The following CTNNA3 variants were observed in gnomAD, a reference collection of about 807,000 sequenced individuals.
CTNNA3 encodes the protein catenin alpha-3.
In CTNNA3, 76 loss-of-function variants were observed where a neutral mutation model predicts 95.7. The ratio of observed to expected loss-of-function variants is 0.79; its 90% confidence interval spans 0.66 to 0.96. The LOEUF (loss-of-function observed/expected upper bound fraction) is 0.96. CTNNA3 is among the 40% of genes least tolerant of loss of function. The pLI, the probability that CTNNA3 is intolerant of heterozygous loss-of-function variation, is 0.00. For synonymous variants in CTNNA3, 431 were observed against 374.4 expected, an observed-to-expected ratio of 1.15 and a Z score of -1.74; for missense variants, 1,191 against 1,089.8, an observed-to-expected ratio of 1.09 and a Z score of -1.31.
intron 5 of CTNNA3, among the ~76,000 whole-genome samples, chr10:67,511,599 G>A (rs942483338): frequency 6.6e-6 from 1 of 152,212 alleles, no homozygotes; most frequent in African/African-American, 2.4e-5. Flanking sequence ...CGGTTCACCA[G>A]TATTTTATTG....
At chr10:66,491,906 C>T (rs978316665) in intron 11 of CTNNA3, among the ~76,000 whole-genome samples, 13 of 152,028 alleles carry the variant, frequency 8.6e-5, no homozygotes, top group African/African-American at 3.1e-4. Context: ...TATCCTTTTT[C>T]TTCATCCCCA....
rs143977084 is a variant in CTNNA3, at chr10:66,719,696, G to T, written c.1281+46568C>A. On this transcript the variant is annotated intron_variant, in intron 9 of 17. Coordinates refer to ENST00000433211, the MANE Select transcript of CTNNA3 (RefSeq NM_013266.4). ...GGCCTTATATGGTTTGTGGGCAAGAGACCATTGTGAGGAAGTCAGAGAAAC... is the reference window on the plus strand; with the variant it reads ...GGCCTTATATGGTTTGTGGGCAAGATACCATTGTGAGGAAGTCAGAGAAAC... 7.7e-3 allele frequency among the ~76,000 whole-genome samples: 1,174 copies of T among 152,264 alleles called. 4 individuals carry two copies. Among genetic ancestry groups the T allele is most frequent in the Non-Finnish European group, 0.013 (867 of 68,018 alleles).
chr10:67,038,758 C>T (rs963775053), intron 7 of CTNNA3, among the ~76,000 whole-genome samples: 6 of 151,854 alleles, frequency 4.0e-5, no homozygotes, highest in Non-Finnish European at 8.8e-5. Flanking sequence ...ACCAGGAGTT[C>T]AATATGAGAT....
At chr10:66,820,060 C>CAA (rs71035186) in intron 7 of CTNNA3, among the ~76,000 whole-genome samples, 6 of 116,158 alleles carry the variant, frequency 5.2e-5, no homozygotes, top group East Asian at 2.4e-4. Flanking sequence ...GTGATAATAG[C>CAA]AAAAAAAAAA....
chr10:66,667,805 T>C (rs1846510083), intron 9 of CTNNA3, among the ~76,000 whole-genome samples: 1 of 152,138 alleles, frequency 6.6e-6, no homozygotes, highest in Admixed American at 6.6e-5. Flanking sequence ...TGACTGCATT[T>C]CTCCCTATAA....
chr10:67,323,068 GT>G (rs1357924794), intron 5 of CTNNA3, among the ~76,000 whole-genome samples: 1 of 151,998 alleles, frequency 6.6e-6, no homozygotes, highest in African/African-American at 2.4e-5. Context: ...TAATGGGGTT[GT>G]TTTTTTCTTG....
intron 15 of CTNNA3, among the ~76,000 whole-genome samples, chr10:66,042,106 C>T (rs776766664): frequency 3.9e-5 from 6 of 152,158 alleles, no homozygotes; most frequent in Non-Finnish European, 8.8e-5. Context: ...TTTTGTCACG[C>T]TGTCTCACTG....
At chr10:66,016,385 C>T (rs984104871) in intron 15 of CTNNA3, among the ~76,000 whole-genome samples, 2 of 152,130 alleles carry the variant, frequency 1.3e-5, no homozygotes, top group Non-Finnish European at 2.9e-5. Context: ...GGAAGAAAGA[C>T]GATTCTTCCC....
intron 12 of CTNNA3, among the ~76,000 whole-genome samples, chr10:66,294,305 G>A (rs2091739398): frequency 6.6e-6 from 1 of 152,172 alleles, no homozygotes; most frequent in Non-Finnish European, 1.5e-5. Flanking sequence ...TCCAATGAGA[G>A]TGTCTCAGGA....
At chr10:67,401,891 C>A (rs567514386) in intron 5 of CTNNA3, among the ~76,000 whole-genome samples, 4 of 152,302 alleles carry the variant, frequency 2.6e-5, no homozygotes, top group Admixed American at 1.3e-4. Flanking sequence ...AACGAAGACA[C>A]CATACAGAGC....
intron 14 of CTNNA3, among the ~76,000 whole-genome samples, chr10:66,089,427 C>T (rs2081127140): frequency 6.7e-6 from 1 of 150,046 alleles, no homozygotes; most frequent in Non-Finnish European, 1.5e-5. Context: ...TCCTTTCTTC[C>T]TTCCTTCTAT....
chr10:67,684,539 C>A (rs1310003257), intron 1 of CTNNA3, among the ~76,000 whole-genome samples: 1 of 152,188 alleles, frequency 6.6e-6, no homozygotes, highest in African/African-American at 2.4e-5. Context: ...ACAGGACACC[C>A]CAACTGCTTT....
intron 13 of CTNNA3, among the ~76,000 whole-genome samples, chr10:66,207,527 G>A (rs2087840506): frequency 6.6e-6 from 1 of 151,940 alleles, no homozygotes; most frequent in Non-Finnish European, 1.5e-5. Flanking sequence ...CCATGTCTTA[G>A]CCATATTCTT....
In CTNNA3 at chr10:67,679,557, G is replaced by A. The variant is rs919389588; in HGVS notation, c.-6+16443C>T. ...AAATTCTATCTTGGTCTCTAGAAAAGTATCAAAATATTATTAATTAGAAAA... is the reference window on the plus strand; with the variant it reads ...AAATTCTATCTTGGTCTCTAGAAAAATATCAAAATATTATTAATTAGAAAA... On this transcript the variant is annotated intron_variant, in intron 1 of 17. Coordinates refer to ENST00000433211, the MANE Select transcript of CTNNA3 (RefSeq NM_013266.4). 2.6e-5 allele frequency among the ~76,000 whole-genome samples: 4 copies of A among 152,198 alleles called. No individual in the cohort carries two copies. In the East Asian group the frequency reaches 7.7e-4, roughly 29 times the overall value.
intron 5 of CTNNA3, among the ~76,000 whole-genome samples, chr10:67,440,326 C>G (rs560198384): frequency 6.6e-6 from 1 of 152,296 alleles, no homozygotes; most frequent in South Asian, 2.1e-4. Flanking sequence ...TGCAGTAAAA[C>G]AGAACACAAG....
At chr10:66,189,617 T>TATATATATATATATATATATATATATAC (rs151078010) in intron 13 of CTNNA3, among the ~76,000 whole-genome samples, 76 of 140,350 alleles carry the variant, frequency 5.4e-4, no homozygotes, top group Non-Finnish European at 8.5e-4. Flanking sequence ...TATATATATA[T>TATATATATATATATATATATATATATAC]ACACACATAC....
intron 2 of CTNNA3, among the ~76,000 whole-genome samples, chr10:67,641,573 C>G (rs1839534368): frequency 6.6e-6 from 1 of 152,178 alleles, no homozygotes; most frequent in Admixed American, 6.5e-5. Flanking sequence ...TTTACTGCAG[C>G]ACTATTCACA....
intron 10 of CTNNA3, among the ~76,000 whole-genome samples, chr10:66,545,735 A>G (rs529772435): frequency 2.6e-5 from 4 of 152,110 alleles, no homozygotes; most frequent in Admixed American, 1.3e-4. Context: ...GAGAGAATAC[A>G]GTTGTGTTTT....
In CTNNA3 at chr10:66,832,162, G is replaced by GTTT. The variant is rs1842742179; in HGVS notation, c.1048-56639_1048-56638insAAA. On this transcript the variant is annotated intron_variant, in intron 7 of 17. Transcript: ENST00000433211. The stretch of plus-strand genomic sequence containing the variant: ...AAAGACATAATATTTCTATAAGTTG[G>GTTT]GAAGAAACTACACTCATTTTGGCAG... Among the ~76,000 whole-genome samples, 7 of 152,216 alleles carry GTTT rather than the reference G, an allele frequency of 4.6e-5. No homozygotes were observed. In the South Asian group the frequency reaches 1.5e-3, roughly 32 times the overall value.
Sources: allele counts gnomAD v4.1 joint callset (sites outside exome capture counted in the v4.1 genomes callset), GRCh38; gene constraint gnomAD v4.1.1; transcripts MANE v1.5; gene names NCBI Gene and HGNC (gene_info 2026-07-23, HGNC 2026-07-21).